Variants in FGF14 observed in about 807,000 individuals in gnomAD.
The protein encoded by FGF14 is fibroblast growth factor homologous factor 4.
Under a neutral mutation model 25.5 loss-of-function variants are expected in FGF14, and 5 were observed. The observed-to-expected ratio is 0.20, with a 90% confidence interval of 0.10 to 0.41. FGF14 has a LOEUF of 0.41. Among genes scored for constraint, FGF14 ranks in the 10% least tolerant of loss-of-function variants. FGF14 has a pLI of 1.00. For synonymous variants in FGF14, 138 were observed against 118.3 expected, an observed-to-expected ratio of 1.17 and a Z score of -1.08; for missense variants, 222 against 320.1, an observed-to-expected ratio of 0.69 and a Z score of 2.34.
At chr13:102,374,649 TATATATATA>T (rs2057988238) in intron 1 of FGF14, among the ~76,000 whole-genome samples, 1 of 3,286 alleles carries the variant, frequency 3.0e-4, no homozygotes, top group Non-Finnish European at 6.2e-4. Context: ...ATATTTTATA[TATATATATA>T]TATATATATA....
At chr13:101,975,951 C>T (rs781685307) in intron 1 of FGF14, among the ~76,000 whole-genome samples, 14 of 152,216 alleles carry the variant, frequency 9.2e-5, no homozygotes, top group East Asian at 1.9e-4. Context: ...CTACCAACCA[C>T]GGCCTGGTTC....
At chr13:102,074,088 T>C (rs1374015303) in intron 1 of FGF14, among the ~76,000 whole-genome samples, 1 of 152,182 alleles carries the variant, frequency 6.6e-6, no homozygotes, top group Non-Finnish European at 1.5e-5. Flanking sequence ...TCATGCTCAC[T>C]GCAGCTTCAA....
chr13:102,111,204 G>A (rs1279984030), intron 1 of FGF14, among the ~76,000 whole-genome samples: 3 of 152,092 alleles, frequency 2.0e-5, no homozygotes, highest in South Asian at 2.1e-4. Context: ...TACATGAAAC[G>A]GAATATCCCC....
At chr13:102,207,123 T>G (rs540891871) in intron 1 of FGF14, among the ~76,000 whole-genome samples, 1 of 151,692 alleles carries the variant, frequency 6.6e-6, no homozygotes, top group East Asian at 2.0e-4. Context: ...CTACTAAAAA[T>G]ACAAAAATTA....
At chr13:102,161,169 A>G (rs1242490501) in intron 1 of FGF14, among the ~76,000 whole-genome samples, 3 of 152,216 alleles carry the variant, frequency 2.0e-5, no homozygotes. Flanking sequence ...TCTACAATGT[A>G]TCAGGTACTA....
intron 1 of FGF14, among the ~76,000 whole-genome samples, chr13:102,026,270 G>A (rs75166163): frequency 0.032 from 4,824 of 151,950 alleles, 243 homozygotes; most frequent in African/African-American, 0.11. Flanking sequence ...AACAACAACA[G>A]TGCATTCTGG....
intron 1 of FGF14, among the ~76,000 whole-genome samples, chr13:102,270,987 G>A (rs777638676): frequency 4.8e-4 from 73 of 152,160 alleles, no homozygotes; most frequent in Non-Finnish European, 7.4e-4. Flanking sequence ...AGAAATGAAT[G>A]CATGAACATT....
At chr13:102,378,214 T>C (rs1012356825) in intron 1 of FGF14, among the ~76,000 whole-genome samples, 1 of 152,174 alleles carries the variant, frequency 6.6e-6, no homozygotes, top group African/African-American at 2.4e-5. Flanking sequence ...AGTGATGATG[T>C]GTCAGTGTAG....
intron 2 of FGF14, 29 bp downstream of exon 2, chr13:101,875,157 G>T: frequency 1.4e-6 from 2 of 1,434,778 alleles, no homozygotes; most frequent in Non-Finnish European, 2.0e-6. Flanking sequence ...TACCAACTAT[G>T]TAACTGGTGG....
chr13:102,156,243 T>C (rs985829193), intron 1 of FGF14, among the ~76,000 whole-genome samples: 11 of 152,078 alleles, frequency 7.2e-5, no homozygotes, highest in Non-Finnish European at 1.3e-4. Context: ...CTGATGAACA[T>C]CAATGCAAAA....
chr13:102,342,235 G>A (rs1044686398), intron 1 of FGF14, among the ~76,000 whole-genome samples: 28 of 152,092 alleles, frequency 1.8e-4, no homozygotes, highest in Admixed American at 1.6e-3. Context: ...GAAAGTAAGC[G>A]GTGGCATAAC....
intron 1 of FGF14, among the ~76,000 whole-genome samples, chr13:101,891,092 C>A (rs1435538568): frequency 1.3e-5 from 2 of 152,096 alleles, no homozygotes; most frequent in Non-Finnish European, 2.9e-5. Context: ...TTTCACTGTA[C>A]CTTTTACAGG....
At chr13:102,028,711 T>C (rs981656564) in intron 1 of FGF14, among the ~76,000 whole-genome samples, 5 of 151,978 alleles carry the variant, frequency 3.3e-5, no homozygotes, top group African/African-American at 9.7e-5. Context: ...TATGGGGTTT[T>C]TTTTGTTTTG....
At chr13:102,383,232 T>C (rs1239669853) in intron 1 of FGF14, among the ~76,000 whole-genome samples, 2 of 152,124 alleles carry the variant, frequency 1.3e-5, no homozygotes, top group Admixed American at 6.6e-5. Flanking sequence ...TAAAAATATG[T>C]TATAAAAATA....
chr13:101,818,353 A>T (rs992851653), intron 3 of FGF14, among the ~76,000 whole-genome samples: 1 of 152,212 alleles, frequency 6.6e-6, no homozygotes, highest in African/African-American at 2.4e-5. Context: ...CTTCCAAAGG[A>T]CTTGAGCTTG....
rs1370722824 is a variant in FGF14, at chr13:102,093,930, G to A, written c.209-218634C>T. Among the ~76,000 whole-genome samples the A allele has an allele frequency of 4.0e-5, 6 of 149,806 alleles. No homozygotes were observed. The East Asian group carries it at 1.2e-3, about 29-fold the overall frequency. The stretch of plus-strand genomic sequence containing the variant: ...TTTTTGCAAAATACCTTTTTATCTT[G>A]AATTGAAAATGCAGCTTTTATGTAG... On this transcript the variant is annotated intron_variant, in intron 1 of 4. Transcript: ENST00000376131.
At chr13:102,069,432 C>T (rs997426416) in intron 1 of FGF14, among the ~76,000 whole-genome samples, 2 of 152,182 alleles carry the variant, frequency 1.3e-5, no homozygotes, top group African/African-American at 2.4e-5. Context: ...GCAACCCGCT[C>T]GGGTCCCCTT....
intron 1 of FGF14, among the ~76,000 whole-genome samples, chr13:102,390,692 T>C (rs1266874731): frequency 1.3e-5 from 2 of 152,220 alleles, no homozygotes; most frequent in East Asian, 1.9e-4. Context: ...TTAGATAGTA[T>C]AGGTAGAGTG....
chr13:102,359,923 A>C (rs1026444083), intron 1 of FGF14, among the ~76,000 whole-genome samples: 1 of 152,096 alleles, frequency 6.6e-6, no homozygotes, highest in Non-Finnish European at 1.5e-5. Context: ...AGCCCTAAAA[A>C]TAACAGAAGG....
Sources: allele counts gnomAD v4.1 joint callset (sites outside exome capture counted in the v4.1 genomes callset), GRCh38; gene constraint gnomAD v4.1.1; transcripts MANE v1.5; gene names NCBI Gene and HGNC (gene_info 2026-07-23, HGNC 2026-07-21).